SLC9B1: variants seen among roughly 807,000 people sequenced by gnomAD.
SLC9B1 encodes the protein sodium/hydrogen exchanger 9B1.
In SLC9B1, 32 loss-of-function variants were observed where a neutral mutation model predicts 51.7. The ratio of observed to expected loss-of-function variants is 0.62; its 90% confidence interval spans 0.47 to 0.83. The LOEUF (loss-of-function observed/expected upper bound fraction) is 0.83. Ranked by LOEUF, SLC9B1 falls within the 40% of genes least tolerant of loss-of-function variation. The pLI is 0.00. For synonymous variants in SLC9B1, 145 were observed against 212.7 expected (o/e 0.68, Z 2.77); for missense variants, 406 against 613.2 (o/e 0.66, Z 3.57).
At chr4:103,011,038 T>C (rs1158785800) in intron 1 of SLC9B1, among the ~76,000 whole-genome samples, 4 of 152,188 alleles carry the variant, frequency 2.6e-5, no homozygotes, top group African/African-American at 7.2e-5. Context: ...AAATCAGATA[T>C]GGGTGAGACT....
chr4:103,019,254 A>C (rs185081662), intron 1 of SLC9B1, among the ~76,000 whole-genome samples: 69 of 152,310 alleles, frequency 4.5e-4, no homozygotes, highest in Non-Finnish European at 8.8e-4. Flanking sequence ...GCAGGGATCC[A>C]CCGTTTGTAA....
chr4:102,934,964 CT>C (rs1049397215), intron 6 of SLC9B1, among the ~76,000 whole-genome samples: 8 of 151,966 alleles, frequency 5.3e-5, no homozygotes, highest in Non-Finnish European at 7.4e-5. Context: ...CTTTCTCCCC[CT>C]TTTTTTCTTT....
intron 1 of SLC9B1, among the ~76,000 whole-genome samples, chr4:103,014,028 C>A (rs936282311): frequency 2.0e-5 from 3 of 152,118 alleles, no homozygotes; most frequent in Non-Finnish European, 4.4e-5. Flanking sequence ...ATGGCAACAA[C>A]CTTCTTAATA....
intron 3 of SLC9B1, among the ~76,000 whole-genome samples, chr4:102,957,720 C>T (rs3857198): frequency 0.54 from 82,299 of 151,790 alleles, 22,805 homozygotes; most frequent in African/African-American, 0.67. Flanking sequence ...AAGGAATAAA[C>T]GGCACTGGAA....
intron 3 of SLC9B1, among the ~76,000 whole-genome samples, chr4:102,974,240 TTGAAAAAAAA>T (rs1447878494): frequency 1.3e-5 from 1 of 76,276 alleles, no homozygotes. Flanking sequence ...CTGTCTAAAA[TTGAAAAAAAA>T]AAAAAAAAAA....
At chr4:102,949,891 G>A (rs1183046216) in intron 3 of SLC9B1, among the ~76,000 whole-genome samples, 5 of 152,024 alleles carry the variant, frequency 3.3e-5, no homozygotes, top group African/African-American at 4.8e-5. Context: ...AACCCGGGAG[G>A]TGGAGGTTGC....
intron 3 of SLC9B1, among the ~76,000 whole-genome samples, chr4:102,969,197 G>C (rs920932899): frequency 6.6e-6 from 1 of 152,174 alleles, no homozygotes; most frequent in Non-Finnish European, 1.5e-5. Flanking sequence ...CTCCACCATG[G>C]AGTCTGAACT....
chr4:102,937,227 C>G (rs1209259306), intron 6 of SLC9B1, among the ~76,000 whole-genome samples: 2 of 151,604 alleles, frequency 1.3e-5, no homozygotes, highest in Admixed American at 1.3e-4. Context: ...CTCAGCCTCC[C>G]AAGTAGCTGG....
At chr4:103,019,534 C>A (rs1352112553) in intron 1 of SLC9B1, 65 bp downstream of exon 1, 1 of 973,110 alleles carries the variant, frequency 1.0e-6, no homozygotes, top group Non-Finnish European at 1.2e-6. Flanking sequence ...AGGAAACGAT[C>A]GCGGCAGACC....
chr4:102,921,645 T>C (rs1031523147), intron 7 of SLC9B1, among the ~76,000 whole-genome samples: 1 of 152,128 alleles, frequency 6.6e-6, no homozygotes, highest in African/African-American at 2.4e-5. Flanking sequence ...GACCCATCAG[T>C]GTGCTGTATT....
At chr4:102,918,852 C>G (rs1735718711) in intron 7 of SLC9B1, among the ~76,000 whole-genome samples, 1 of 151,990 alleles carries the variant, frequency 6.6e-6, no homozygotes, top group Non-Finnish European at 1.5e-5. Context: ...GTTATAGCAG[C>G]AGGAATGGAC....
At chr4:102,965,419 C>T (rs1207640992) in intron 3 of SLC9B1, among the ~76,000 whole-genome samples, 1 of 151,908 alleles carries the variant, frequency 6.6e-6, no homozygotes, top group Non-Finnish European at 1.5e-5. Flanking sequence ...TTATAACAAT[C>T]CATTCTCAGG....
chr4:102,937,978 T>G (rs1736806993), intron 6 of SLC9B1, among the ~76,000 whole-genome samples: 1 of 152,114 alleles, frequency 6.6e-6, no homozygotes, highest in Admixed American at 6.5e-5. Flanking sequence ...CAAGTCTGCA[T>G]AATAACCAGC....
chr4:102,960,635 A>C (rs1675926024), intron 3 of SLC9B1, among the ~76,000 whole-genome samples: 1 of 152,060 alleles, frequency 6.6e-6, no homozygotes, highest in African/African-American at 2.4e-5. Context: ...ATTCCGATAC[A>C]CATCTATTGA....
Position 102,910,678 on chromosome 4 carries a change from ATAT to A in SLC9B1, c.937-93_937-91del, listed in dbSNP as rs368879880. On this transcript the variant is annotated intron_variant, in intron 8 of 11. Transcript: ENST00000296422. Reference sequence around the variant, plus strand: ...TCTATTATATATTTTTGACCCTCTGATATTATGTCTTTAAATGTTATATTAAAT... The same window carrying A: ...TCTATTATATATTTTTGACCCTCTGATATGTCTTTAAATGTTATATTAAAT... 182 of 576,412 alleles carry A rather than the reference ATAT, an allele frequency of 3.2e-4. No homozygotes were observed. In the African/African-American group the frequency reaches 3.5e-3, roughly 11 times the overall value. 35.7% of individuals were successfully genotyped at this position (576,412 alleles called of 1,614,324 possible). A position where few individuals can be genotyped will look rare whatever the true frequency, so the allele number is the denominator to read the frequency against.
chr4:102,913,795 C>CA (rs1735455132), intron 7 of SLC9B1, among the ~76,000 whole-genome samples: 1 of 40,214 alleles, frequency 2.5e-5, no homozygotes, highest in African/African-American at 1.5e-4. Context: ...GAGATAGAAA[C>CA]TAAAAAAAAA....
intron 3 of SLC9B1, among the ~76,000 whole-genome samples, chr4:102,986,630 C>T (rs1359273722): frequency 6.6e-6 from 1 of 152,104 alleles, no homozygotes; most frequent in Non-Finnish European, 1.5e-5. Flanking sequence ...TTTGTAGTGA[C>T]CCCACAATTC....
rs933913005 is a variant in SLC9B1, at chr4:102,887,321, T to C, written c.1333-1993A>G. On this transcript the variant is annotated intron_variant, in intron 11 of 11. Transcript: ENST00000394789. ...AATCATATTTTAAAAATAACACTTG[T>C]AATTCTTTTTTCTTTTTAGTTTCCT... 54 of 1,151,332 alleles carry C rather than the reference T, an allele frequency of 4.7e-5. No individual in the cohort carries two copies. Among genetic ancestry groups the C allele is most frequent in the Middle Eastern group, 5.6e-4 (2 of 3,546 alleles). 71.3% of individuals were successfully genotyped at this position (1,151,332 alleles called of 1,614,324 possible). A position where few individuals can be genotyped will look rare whatever the true frequency, so the allele number is the denominator to read the frequency against.
In SLC9B1 at chr4:102,927,707, C is replaced by T. The variant is rs1481640191; in HGVS notation, c.829+4417G>A. 4.6e-5 allele frequency among the ~76,000 whole-genome samples: 7 copies of T among 152,160 alleles called. No homozygotes were observed. In the South Asian group the frequency reaches 6.2e-4, roughly 14 times the overall value. Reference sequence around the variant, plus strand: ...ATAGAACTAGAATTACCATTTGACCCGGCAATCCCATTACTGGGTATATAC... The same window carrying T: ...ATAGAACTAGAATTACCATTTGACCTGGCAATCCCATTACTGGGTATATAC... On this transcript the variant is annotated intron_variant, in intron 7 of 11. Transcript: ENST00000296422.
Sources: gnomAD v4.1 joint callset for allele counts (sites outside exome capture counted in the v4.1 genomes callset) on GRCh38, gnomAD v4.1.1 for gene constraint, MANE v1.5 for transcripts, NCBI Gene and HGNC (gene_info 2026-07-23, HGNC 2026-07-21) for gene names.